The following XIRP2 variants were observed in gnomAD, a reference collection of about 807,000 sequenced individuals.
The protein encoded by XIRP2 is xin actin binding repeat containing 2.
XIRP2 carries 236 observed loss-of-function variants against 277.0 expected under a neutral mutation model. That is an observed-to-expected ratio of 0.85 (90% CI 0.77 to 0.95). The LOEUF (loss-of-function observed/expected upper bound fraction) is 0.95. Among genes scored for constraint, XIRP2 ranks in the 40% least tolerant of loss-of-function variants. The pLI, the probability that XIRP2 is intolerant of heterozygous loss-of-function variation, is 0.00. For synonymous variants in XIRP2, 1,490 were observed against 1,416.5 expected (o/e 1.05, Z -1.17); for missense variants, 4,640 against 4,157.5 (o/e 1.12, Z -3.19).
chr2:166,955,025 G>A (rs956548546), intron 2 of XIRP2, among the ~76,000 whole-genome samples: 2 of 151,752 alleles, frequency 1.3e-5, no homozygotes, highest in Non-Finnish European at 2.9e-5. Context: ...ACATTTACCT[G>A]TGTAACAAAC....
intron 10 of XIRP2, 96 bp downstream of exon 10, chr2:167,254,261 T>C: frequency 1.5e-6 from 2 of 1,316,284 alleles, no homozygotes; most frequent in Non-Finnish European, 2.0e-6. Context: ...TTCCAGATCT[T>C]GTTGCTGCGT....
intron 3 of XIRP2, among the ~76,000 whole-genome samples, chr2:167,204,845 C>T (rs1388536183): frequency 6.6e-6 from 1 of 151,972 alleles, no homozygotes; most frequent in Non-Finnish European, 1.5e-5. Flanking sequence ...CTTATAAAGT[C>T]CATTTGAAAT....
At chr2:167,223,927 A>G (rs1035832210) in intron 5 of XIRP2, among the ~76,000 whole-genome samples, 1 of 152,162 alleles carries the variant, frequency 6.6e-6, no homozygotes, top group African/African-American at 2.4e-5. Context: ...TTACCCATCT[A>G]TTTTAATCCA....
intron 2 of XIRP2, among the ~76,000 whole-genome samples, chr2:167,072,758 A>C (rs1467285347): frequency 6.6e-6 from 1 of 152,172 alleles, no homozygotes; most frequent in African/African-American, 2.4e-5. Context: ...GTTTATATAA[A>C]AATGTTTAAG....
rs1490458814 is a variant in XIRP2 at position 166,915,513 on chromosome 2, C to G, written c.408+11623C>G. Among the ~76,000 whole-genome samples, 3 of 152,148 alleles carry G rather than the reference C, an allele frequency of 2.0e-5. No individual in the cohort carries two copies. The East Asian group carries it at 5.8e-4, about 29-fold the overall frequency. ...GTGTTTAAGTTAATTTGGAACAGAA[C>G]AGGAAGGTGAAAGTTCATCCTTCTT... On this transcript the variant is annotated intron_variant, in intron 2 of 10. Transcript: ENST00000409195.
At chr2:167,087,668 G>T (rs980610166) in intron 2 of XIRP2, among the ~76,000 whole-genome samples, 7 of 152,236 alleles carry the variant, frequency 4.6e-5, no homozygotes, top group African/African-American at 1.7e-4. Flanking sequence ...AAGCCGGTCG[G>T]AAAAGCGCAG....
rs374397734 is a variant in XIRP2, at chr2:167,248,116, C to T, written c.6724C>T (p.Arg2242Trp). The change falls in exon 9 of 11, where the codon CGG (arginine) becomes TGG (tryptophan). Residue 2242 changes from arginine to tryptophan, a missense_variant. Physicochemically the swap from Arg to Trp is moderately radical, Grantham distance 101. Coordinates refer to ENST00000409195, the MANE Select transcript of XIRP2 (RefSeq NM_152381.6). ...HNTFKATNKKRETDVHLKSQD... is the reference protein window; with the variant it reads ...HNTFKATNKKWETDVHLKSQD... ...TACATTTAAGGCAACCAACAAAAAG[C>T]GGGAGACTGATGTTCACTTGAAAAG... 5.2e-5 allele frequency: 84 copies of T among 1,613,026 alleles called. No homozygotes were observed. The highest frequency in any genetic ancestry group is 3.3e-5 in the South Asian group (3 of 90,930).
intron 2 of XIRP2, among the ~76,000 whole-genome samples, chr2:166,986,585 G>A (rs754382782): frequency 3.9e-5 from 6 of 152,174 alleles, no homozygotes; most frequent in African/African-American, 7.2e-5. Context: ...TTTCTCTTGA[G>A]ATGTTTGTGT....
intron 2 of XIRP2, among the ~76,000 whole-genome samples, chr2:166,986,329 A>G (rs544731645): frequency 1.3e-4 from 20 of 152,218 alleles, no homozygotes; most frequent in Admixed American, 3.9e-4. Context: ...CAAAATCTCT[A>G]TGTAACTGAT....
At chr2:166,941,823 T>C (rs1685727291) in intron 2 of XIRP2, among the ~76,000 whole-genome samples, 2 of 152,236 alleles carry the variant, frequency 1.3e-5, no homozygotes, top group African/African-American at 2.4e-5. Flanking sequence ...GACAGTTTTG[T>C]ATCTTACTTT....
intron 2 of XIRP2, among the ~76,000 whole-genome samples, chr2:166,955,907 G>A (rs1686150152): frequency 6.7e-6 from 1 of 149,408 alleles, no homozygotes; most frequent in Non-Finnish European, 1.5e-5. Flanking sequence ...CAATAAATTT[G>A]TCTTCACTAA....
At chr2:167,071,198 A>C (rs549653711) in intron 2 of XIRP2, among the ~76,000 whole-genome samples, 8 of 152,322 alleles carry the variant, frequency 5.3e-5, no homozygotes, top group African/African-American at 1.7e-4. Flanking sequence ...GAAATAATAT[A>C]GTGTGAACAT....
chr2:166,974,665 G>A (rs528521233), intron 2 of XIRP2, among the ~76,000 whole-genome samples: 5 of 152,036 alleles, frequency 3.3e-5, no homozygotes, highest in African/African-American at 9.6e-5. Context: ...GTTAAAAGGA[G>A]TTAAAACATA....
rs566052438 is a variant in XIRP2, at chr2:167,174,985, A to C, written c.563-35750A>C. Among the ~76,000 whole-genome samples the C allele has an allele frequency of 2.6e-4, 40 of 152,254 alleles. No individual in the cohort carries two copies. The South Asian group carries it at 7.3e-3, about 28-fold the overall frequency. ...GATTTCCATTCTTTTGTATTTGCTG[A>C]GGAGTGTTTTACTTCCCATTATGTG... On this transcript the variant is annotated intron_variant, in intron 3 of 10. Transcript: ENST00000409195.
rs746843975 is a variant in XIRP2 at position 167,258,164 on chromosome 2, C to T, written c.*347C>T. ...AAGGGGAAAATTAAAAGTCATTTGGCCTCCTTCCAAGGAGATCCCTAAGAA... is the reference window on the plus strand; with the variant it reads ...AAGGGGAAAATTAAAAGTCATTTGGTCTCCTTCCAAGGAGATCCCTAAGAA... On this transcript the variant is annotated 3_prime_UTR_variant, in exon 11 of 11. Coordinates refer to ENST00000409195, the MANE Select transcript of XIRP2 (RefSeq NM_152381.6). 1.1e-5 allele frequency: 18 copies of T among 1,612,910 alleles called. No individual in the cohort carries two copies. The Admixed American group carries it at 1.3e-4, about 12-fold the overall frequency.
intron 3 of XIRP2, among the ~76,000 whole-genome samples, chr2:167,164,424 C>T (rs919869795): frequency 3.4e-4 from 39 of 113,958 alleles, no homozygotes; most frequent in Non-Finnish European, 4.5e-4. Context: ...CCAGCCTGGG[C>T]GAAAGAGCGA....
At chr2:167,170,784 T>C (rs1262456082) in intron 3 of XIRP2, among the ~76,000 whole-genome samples, 3 of 152,066 alleles carry the variant, frequency 2.0e-5, no homozygotes, top group Admixed American at 2.0e-4. Flanking sequence ...ATTTCTATTA[T>C]ATGGATTTCT....
intron 5 of XIRP2, among the ~76,000 whole-genome samples, chr2:167,234,034 CTT>C (rs1694832238): frequency 1.3e-5 from 2 of 151,406 alleles, no homozygotes; most frequent in African/African-American, 4.8e-5. Context: ...TTTTATGAAT[CTT>C]CAGAATTTTG....
intron 2 of XIRP2, among the ~76,000 whole-genome samples, chr2:167,004,277 A>G (rs1485494651): frequency 1.3e-5 from 2 of 151,856 alleles, no homozygotes; most frequent in Non-Finnish European, 2.9e-5. Context: ...ACCCTGGGAG[A>G]TACATAGATA....
Sources: gnomAD v4.1 joint callset for allele counts (sites outside exome capture counted in the v4.1 genomes callset) on GRCh38, gnomAD v4.1.1 for gene constraint, MANE v1.5 for transcripts, NCBI Gene and HGNC (gene_info 2026-07-23, HGNC 2026-07-21) for gene names.